THRB: variants seen among roughly 807,000 people sequenced by gnomAD.
THRB encodes thyroid hormone receptor beta.
THRB carries 12 observed loss-of-function variants against 47.8 expected under a neutral mutation model. That is an observed-to-expected ratio of 0.25 (90% CI 0.16 to 0.41). The LOEUF is 0.41. THRB is among the 10% of genes least tolerant of loss of function. The pLI, the probability that THRB is intolerant of heterozygous loss-of-function variation, is 1.00. For synonymous variants in THRB, 218 were observed against 212.2 expected (o/e 1.03, Z -0.24); for missense variants, 348 against 589.2 (o/e 0.59, Z 4.24).
chr3:24,356,870 C>T (rs995686450), intron 1 of THRB, among the ~76,000 whole-genome samples: 25 of 152,236 alleles, frequency 1.6e-4, no homozygotes, highest in African/African-American at 5.8e-4. Flanking sequence ...CCTTCTCCCA[C>T]CCTCCTGTCA....
At chr3:24,270,324 T>C (rs911230076) in intron 3 of THRB, among the ~76,000 whole-genome samples, 1 of 152,216 alleles carries the variant, frequency 6.6e-6, no homozygotes, top group African/African-American at 2.4e-5. Context: ...GGGTATAGTT[T>C]GTACTACTAA....
At chr3:24,433,833 T>C (rs2070684548) in intron 1 of THRB, among the ~76,000 whole-genome samples, 1 of 152,166 alleles carries the variant, frequency 6.6e-6, no homozygotes, top group South Asian at 2.1e-4. Flanking sequence ...TCCATGTACA[T>C]TAATGACATG....
chr3:24,332,321 G>A (rs1052949350), intron 2 of THRB, among the ~76,000 whole-genome samples: 1 of 152,150 alleles, frequency 6.6e-6, no homozygotes, highest in Non-Finnish European at 1.5e-5. Context: ...GTCATAGAAG[G>A]TATCTGAGTC....
chr3:24,409,586 T>C (rs1367723251), intron 1 of THRB, among the ~76,000 whole-genome samples: 2 of 151,792 alleles, frequency 1.3e-5, no homozygotes, highest in Non-Finnish European at 2.9e-5. Flanking sequence ...GTATGCCATA[T>C]GGCCACTGTA....
chr3:24,448,579 C>G (rs908584136), intron 1 of THRB, among the ~76,000 whole-genome samples: 1 of 152,168 alleles, frequency 6.6e-6, no homozygotes, highest in African/African-American at 2.4e-5. Flanking sequence ...ATTAAAAAGA[C>G]TTGTATACCT....
At chr3:24,256,005 G>T (rs1448915219) in intron 3 of THRB, among the ~76,000 whole-genome samples, 5 of 152,188 alleles carry the variant, frequency 3.3e-5, no homozygotes, top group African/African-American at 1.2e-4. Flanking sequence ...AGCAAGAAGA[G>T]GAGCACCCAC....
At chr3:24,272,814 A>G (rs1349526365) in intron 3 of THRB, among the ~76,000 whole-genome samples, 2 of 152,158 alleles carry the variant, frequency 1.3e-5, no homozygotes, top group Non-Finnish European at 2.9e-5. Flanking sequence ...TCAAACTTCA[A>G]ATATTCATTC....
intron 2 of THRB, among the ~76,000 whole-genome samples, chr3:24,307,973 C>T (rs1166282799): frequency 6.6e-6 from 1 of 152,132 alleles, no homozygotes; most frequent in Non-Finnish European, 1.5e-5. Flanking sequence ...GTTGCCATCG[C>T]TGCAGCCTCT....
intron 6 of THRB, among the ~76,000 whole-genome samples, chr3:24,148,005 C>A (rs1354276087): frequency 6.6e-6 from 1 of 152,164 alleles, no homozygotes; most frequent in Non-Finnish European, 1.5e-5. Flanking sequence ...GTAAATTTTA[C>A]TGTATTACTT....
At chr3:24,287,460 A>G (rs2055429239) in intron 3 of THRB, among the ~76,000 whole-genome samples, 1 of 152,206 alleles carries the variant, frequency 6.6e-6, no homozygotes, top group South Asian at 2.1e-4. Flanking sequence ...AGCCTAGAGA[A>G]GAAGAAAATC....
At position 24,472,308 on chromosome 3, in the gene THRB, G is replaced by C. The variant is rs776257830; in HGVS notation, c.-261+22344C>G. Among the ~76,000 whole-genome samples the C allele has an allele frequency of 2.0e-5, 3 of 152,110 alleles. No homozygotes were observed. The East Asian group carries it at 5.8e-4, about 29-fold the overall frequency. On this transcript the variant is annotated intron_variant, in intron 1 of 10. Coordinates refer to ENST00000646209, the MANE Select transcript of THRB (RefSeq NM_001354712.2). ...CTCTTAATCTACTCTTCATTCCAGA[G>C]AGTACTAAACTCAATTACTGATGGA...
intron 4 of THRB, among the ~76,000 whole-genome samples, chr3:24,221,665 T>G (rs901508156): frequency 6.6e-6 from 1 of 152,190 alleles, no homozygotes; most frequent in African/African-American, 2.4e-5. Context: ...TTTTCACTCT[T>G]CTGCTCCCAC....
chr3:24,280,593 CT>C (rs1164005238), intron 3 of THRB, among the ~76,000 whole-genome samples: 2 of 152,164 alleles, frequency 1.3e-5, no homozygotes, highest in Non-Finnish European at 2.9e-5. Flanking sequence ...CGGAGAATGA[CT>C]TTGACAAGCT....
intron 3 of THRB, among the ~76,000 whole-genome samples, chr3:24,287,622 G>T (rs1261308972): frequency 6.6e-6 from 1 of 152,178 alleles, no homozygotes; most frequent in Non-Finnish European, 1.5e-5. Context: ...CTTTCAACAG[G>T]AGCGTTGTCC....
chr3:24,117,559 A>G lies in THRB; in HGVS notation c.*5325T>C, dbSNP rs1052585348. On this transcript the variant is annotated 3_prime_UTR_variant, in exon 11 of 11. Transcript: ENST00000646209. The stretch of plus-strand genomic sequence containing the variant: ...ATTTTCATTAGAATTGTTGGAGAAA[A>G]GAAATTCTCCTTTCACTATATTTGG... 1.3e-5 allele frequency: 2 copies of G among 152,262 alleles called. No homozygotes were observed. The highest frequency in any genetic ancestry group is 4.8e-5 in the African/African-American group (2 of 41,468). 9.4% of individuals were successfully genotyped at this position (152,262 alleles called of 1,614,324 possible). A position where few individuals can be genotyped will look rare whatever the true frequency, so the allele number is the denominator to read the frequency against.
intron 1 of THRB, among the ~76,000 whole-genome samples, chr3:24,424,632 C>T (rs2069581307): frequency 6.6e-6 from 1 of 151,992 alleles, no homozygotes; most frequent in African/African-American, 2.4e-5. Flanking sequence ...TGTACCTTCA[C>T]TGTTCCTCAA....
chr3:24,244,778 C>T (rs1292769589), intron 3 of THRB, among the ~76,000 whole-genome samples: 1 of 152,152 alleles, frequency 6.6e-6, no homozygotes, highest in Non-Finnish European at 1.5e-5. Context: ...AATCTTCCTC[C>T]CGAGAACTCA....
chr3:24,337,433 G>A (rs1397963376), intron 1 of THRB, 62 bp from the exon 2 acceptor site: 2 of 152,144 alleles, frequency 1.3e-5, no homozygotes, highest in South Asian at 2.1e-4. Context: ...CCCAACATTC[G>A]ATTAATCTAC....
chr3:24,237,713 G>T (rs2049016320), intron 3 of THRB, among the ~76,000 whole-genome samples: 1 of 152,124 alleles, frequency 6.6e-6, no homozygotes, highest in Admixed American at 6.5e-5. Context: ...AGTGGGACGT[G>T]CACACTTAAT....
Sources: gnomAD v4.1 joint callset for allele counts (sites outside exome capture counted in the v4.1 genomes callset) on GRCh38, gnomAD v4.1.1 for gene constraint, MANE v1.5 for transcripts, NCBI Gene and HGNC (gene_info 2026-07-23, HGNC 2026-07-21) for gene names.